The following MYO18B variants were observed in gnomAD, a reference collection of about 807,000 sequenced individuals.
MYO18B encodes the protein unconventional myosin-XVIIIb.
MYO18B carries 204 observed loss-of-function variants against 273.0 expected under a neutral mutation model. The ratio of observed to expected loss-of-function variants is 0.75; its 90% CI spans 0.67 to 0.84. MYO18B has a LOEUF of 0.84. MYO18B is among the 40% of genes least tolerant of loss of function. The probability of loss-of-function intolerance (pLI) is 0.00; values close to 1 mark genes in which losing one functional copy is unlikely to be tolerated. For missense variants in MYO18B, 3,212 were observed against 3,287.6 expected, an observed-to-expected ratio of 0.98 and a Z score of 0.56; for synonymous variants, 1,330 against 1,305.7, an observed-to-expected ratio of 1.02 and a Z score of -0.40.
rs144460639 is a variant in MYO18B, at chr22:25,847,419, A to C, written c.3553-11A>C. The C allele has an allele frequency of 1.3e-6, 2 of 1,557,138 alleles. No homozygotes were observed. The highest frequency in any genetic ancestry group is 1.7e-6 in the Non-Finnish European group (2 of 1,149,778). On this transcript the variant is annotated splice_polypyrimidine_tract_variant and intron_variant, in intron 19 of 43. Transcript: ENST00000335473. ...AGACAACTGGCCCTGACCTCCCTCT[A>C]TTTGGTCTAGGATGCGCTGACCAGC...
At chr22:25,755,198 A>G (rs897076019) in intron 1 of MYO18B, among the ~76,000 whole-genome samples, 4 of 151,814 alleles carry the variant, frequency 2.6e-5, no homozygotes, top group Non-Finnish European at 5.9e-5. Context: ...GTCTTTTTAA[A>G]TTAAATTTTA....
chr22:25,942,788 C>A (rs1292990491), intron 34 of MYO18B, among the ~76,000 whole-genome samples: 1 of 152,098 alleles, frequency 6.6e-6, no homozygotes, highest in Non-Finnish European at 1.5e-5. Context: ...ACCATCAGGG[C>A]CAAGATAATC....
At chr22:25,929,507 A>T (rs2092468336) in intron 34 of MYO18B, among the ~76,000 whole-genome samples, 1 of 152,234 alleles carries the variant, frequency 6.6e-6, no homozygotes, top group African/African-American at 2.4e-5. Flanking sequence ...CCAAGGAGAA[A>T]GTCGGAGATG....
chr22:25,973,493 C>T (rs1377490741), intron 39 of MYO18B, among the ~76,000 whole-genome samples: 1 of 152,208 alleles, frequency 6.6e-6, no homozygotes, highest in African/African-American at 2.4e-5. Flanking sequence ...GCCATAATTT[C>T]TCTGATATTT....
intron 40 of MYO18B, among the ~76,000 whole-genome samples, chr22:26,001,228 A>G (rs1454426495): frequency 6.6e-6 from 1 of 152,224 alleles, no homozygotes; most frequent in African/African-American, 2.4e-5. Context: ...TAGAAAAAGC[A>G]TTGAGATTAG....
At chr22:25,978,352 G>A (rs1212000401) in intron 39 of MYO18B, among the ~76,000 whole-genome samples, 6 of 152,300 alleles carry the variant, frequency 3.9e-5, no homozygotes, top group East Asian at 1.9e-4. Flanking sequence ...TCCAGATGGA[G>A]CAATGGTAGG....
intron 41 of MYO18B, among the ~76,000 whole-genome samples, chr22:26,003,675 C>G (rs923872725): frequency 6.6e-6 from 1 of 152,126 alleles, no homozygotes; most frequent in Non-Finnish European, 1.5e-5. Context: ...TTATGACCTC[C>G]GTACCTATGT....
rs1484329571 is a variant in MYO18B, at chr22:25,828,954, C to T, written c.2965C>T (p.Gln989Ter). 1 of 1,613,970 alleles carries T rather than the reference C, an allele frequency of 6.2e-7. No individual in the cohort carries two copies. Among genetic ancestry groups the T allele is most frequent in the Admixed American group, 1.7e-5 (1 of 60,024 alleles). Residue 989 changes from glutamine (Q) to a stop codon, truncating the protein, a stop_gained, in exon 15 of 44, where the codon CAG becomes TAG. Transcript: ENST00000335473. LOFTEE classifies it high-confidence loss of function. ...FYQRTFVSTL[Q>*]RYQEEGVPVQ... is the part of the protein sequence containing the mutation. ...CCAGCGGACCTTTGTCTCCACGCTA[C>T]AGCGATATCAAGAGGTATGCCTGGG...
intron 11 of MYO18B, among the ~76,000 whole-genome samples, chr22:25,793,123 C>T (rs1232586120): frequency 1.3e-5 from 2 of 152,222 alleles, no homozygotes. Context: ...GTGGAAACCA[C>T]CGTTTATTGA....
downstream of MYO18B, chr22:26,031,099 A>G (rs1026341809): frequency 5.1e-6 from 2 of 395,788 alleles, no homozygotes; most frequent in African/African-American, 4.1e-5. Flanking sequence ...CCACATCAAC[A>G]TTCAAGAACC....
At chr22:26,042,870 C>G in the MYO18B span, among the ~76,000 whole-genome samples, 1 of 152,180 alleles carries the variant, frequency 6.6e-6, no homozygotes, top group Non-Finnish European at 1.5e-5. Flanking sequence ...GTGCCTGGTA[C>G]ACAACAAAGC....
intron 12 of MYO18B, among the ~76,000 whole-genome samples, chr22:25,821,545 A>T (rs1474254746): frequency 1.3e-5 from 2 of 152,192 alleles, no homozygotes; most frequent in South Asian, 4.1e-4. Flanking sequence ...TGGGAGGCTG[A>T]GGTGGGCAGA....
intron 20 of MYO18B, among the ~76,000 whole-genome samples, chr22:25,850,938 A>G (rs746579804): frequency 1.3e-5 from 2 of 152,172 alleles, no homozygotes; most frequent in African/African-American, 4.8e-5. Flanking sequence ...TTCTCTTCCC[A>G]GTTCCCCACA....
intron 25 of MYO18B, among the ~76,000 whole-genome samples, chr22:25,880,273 C>G (rs1220156483): frequency 6.6e-6 from 1 of 151,930 alleles, no homozygotes; most frequent in Non-Finnish European, 1.5e-5. Flanking sequence ...CCCTGATGAA[C>G]AAAACATCAA....
chr22:25,993,107 T>A lies in MYO18B; in HGVS notation c.6287+614T>A, dbSNP rs561909172. 5.3e-5 allele frequency among the ~76,000 whole-genome samples: 8 copies of A among 152,294 alleles called. No individual in the cohort carries two copies. The South Asian group carries it at 1.7e-3, about 32-fold the overall frequency. ...TCAATGGCAGGGCTTCTTGCCTTTC[T>A]CAGAAGATAGGCTACTTTTCACCAT... On this transcript the variant is annotated intron_variant, in intron 40 of 43. Coordinates refer to ENST00000335473, the MANE Select transcript of MYO18B (RefSeq NM_032608.7).
intron 30 of MYO18B, chr22:25,903,133 G>C (rs2091971721): frequency 4.7e-6 from 1 of 211,926 alleles, no homozygotes; most frequent in Non-Finnish European, 9.5e-6. Context: ...TCCTTTTGTG[G>C]TTCTCTACTA....
intron 16 of MYO18B, among the ~76,000 whole-genome samples, chr22:25,833,576 G>A (rs2089791734): frequency 6.6e-6 from 1 of 152,110 alleles, no homozygotes; most frequent in African/African-American, 2.4e-5. Context: ...AATTTCACTT[G>A]ATTTTTTTGT....
At chr22:25,809,482 G>A (rs1266225073) in intron 12 of MYO18B, among the ~76,000 whole-genome samples, 2 of 152,138 alleles carry the variant, frequency 1.3e-5, no homozygotes, top group Non-Finnish European at 2.9e-5. Flanking sequence ...TGTCTCTCAC[G>A]AAATTTGCCA....
intron 18 of MYO18B, among the ~76,000 whole-genome samples, chr22:25,845,465 C>T (rs1217230120): frequency 1.3e-5 from 2 of 152,078 alleles, no homozygotes; most frequent in Non-Finnish European, 2.9e-5. Flanking sequence ...TGCAGTAAGC[C>T]GAGATTGCAC....
Sources: gnomAD v4.1 joint callset for allele counts (sites outside exome capture counted in the v4.1 genomes callset) on GRCh38, gnomAD v4.1.1 for gene constraint, MANE v1.5 for transcripts, NCBI Gene and HGNC (gene_info 2026-07-23, HGNC 2026-07-21) for gene names.